Variants in GCDH observed in about 807,000 individuals in gnomAD.
The protein encoded by GCDH is glutaryl-CoA dehydrogenase, mitochondrial.
A neutral mutation model predicts 52.8 loss-of-function variants in GCDH; 31 were observed. The observed-to-expected ratio is 0.59, with a 90% CI of 0.44 to 0.79. The LOEUF (loss-of-function observed/expected upper bound fraction) is 0.79. GCDH is among the 30% of genes least tolerant of loss of function. GCDH has a pLI of 0.00. For synonymous variants in GCDH, 242 were observed against 250.0 expected, an observed-to-expected ratio of 0.97 and a Z score of 0.30; for missense variants, 509 against 595.0, an observed-to-expected ratio of 0.86 and a Z score of 1.50.
rs201970551 is a variant in GCDH at position 12,891,834 on chromosome 19, C to T, written c.131C>T (p.Ser44Leu). 4.3e-6 allele frequency: 7 copies of T among 1,613,968 alleles called. No homozygotes were observed. The highest frequency in any genetic ancestry group is 1.3e-5 in the African/African-American group (1 of 75,052). ...GRTQSQLAKS[S>L]RPEFDWQDPL... ...CGAGGCGAATTCCCCTTCCCAGCCT[C>T]GCGTCCCGAGTTTGACTGGCAGGAC... The change falls in exon 4 of 12, where the codon TCG becomes TTG. Residue 44 changes from serine (S) to leucine (L), a missense_variant. Transcript: ENST00000222214.
chr19:12,891,570 T>G lies in GCDH; in HGVS notation c.127+48T>G, dbSNP rs3745647. 1.9e-6 allele frequency: 3 copies of G among 1,613,966 alleles called. No individual in the cohort carries two copies. In the South Asian group the frequency reaches 3.3e-5, roughly 18 times the overall value. On this transcript the variant is annotated intron_variant, in intron 3 of 11. Coordinates refer to ENST00000222214, the MANE Select transcript of GCDH (RefSeq NM_000159.4). The stretch of plus-strand genomic sequence containing the variant: ...TGTGTCTGCTGCCCCTGTTCAGCTG[T>G]CTGTCTGCCGCAGGTGGACTCTGTC...
intron 9 of GCDH, 119 bp from the exon 10 acceptor site, chr19:12,897,184 G>A: frequency 7.3e-7 from 1 of 1,372,340 alleles, no homozygotes; most frequent in Middle Eastern, 1.9e-4. Flanking sequence ...GCAGGGCCAG[G>A]GCAAGCTTGG....
chr19:12,899,275 C>T (rs1970773721), intron 11 of GCDH, 193 bp from the exon 12 acceptor site: 1 of 1,402,330 alleles, frequency 7.1e-7, no homozygotes, highest in Admixed American at 1.7e-5. Context: ...CTCAGTGTGG[C>T]CCAAATGGTG....
At chr19:12,894,407 G>C (rs1970627027) in intron 6 of GCDH, 1 of 752,734 alleles carries the variant, frequency 1.3e-6, no homozygotes, top group Admixed American at 1.8e-5. Context: ...ACTGGAGAAA[G>C]AAAGAGAAGA....
chr19:12,891,687 G>A (rs1167195888), intron 3 of GCDH, 144 bp from the exon 4 acceptor site: 12 of 1,603,636 alleles, frequency 7.5e-6, no homozygotes, highest in Non-Finnish European at 9.3e-6. Context: ...TGCGGGGCCG[G>A]AGAAAAGTCA....
intron 5 of GCDH, among the ~76,000 whole-genome samples, chr19:12,892,952 C>T (rs1176916269): frequency 6.7e-6 from 1 of 149,920 alleles, no homozygotes; most frequent in Admixed American, 6.7e-5. Flanking sequence ...GTGGTGCGAT[C>T]CTGGCTCACT....
chr19:12,899,633 G>C lies in GCDH; in HGVS notation c.*92G>C. The C allele has an allele frequency of 6.2e-7, 1 of 1,612,734 alleles. No homozygotes were observed. Among genetic ancestry groups the C allele is most frequent in the Non-Finnish European group, 8.5e-7 (1 of 1,179,214 alleles). On this transcript the variant is annotated 3_prime_UTR_variant, in exon 12 of 12. Coordinates refer to ENST00000222214, the MANE Select transcript of GCDH (RefSeq NM_000159.4). ...AGCGCTGTGCTCTGAGCTTAGAAAG[G>C]GAGGTGGCGGATGGAGTGGGAAGTG... is the stretch of plus-strand genomic sequence containing the variant.
At chr19:12,894,149 C>G in intron 6 of GCDH, 5 of 1,549,114 alleles carry the variant, frequency 3.2e-6, no homozygotes, top group Non-Finnish European at 4.4e-6. Context: ...CTGAACATCT[C>G]CTTCCCAGCC....
At chr19:12,894,912 G>A (rs1472018361) in intron 6 of GCDH, 7 of 190,854 alleles carry the variant, frequency 3.7e-5, no homozygotes, top group Non-Finnish European at 6.7e-5. Context: ...GATCAGATTC[G>A]CAAAAAAAAA....
chr19:12,899,902 G>T lies in GCDH; in HGVS notation c.*361G>T, dbSNP rs1332114910. 1.2e-6 allele frequency: 2 copies of T among 1,604,654 alleles called. No individual in the cohort carries two copies. ...GTGCGCCCTCCCTCCCTCCCATCTG[G>T]GGGTAGTGCCTTATGCTGGGTGTTG... On this transcript the variant is annotated 3_prime_UTR_variant, in exon 12 of 12. Transcript: ENST00000222214.
chr19:12,896,251 T>C lies in GCDH; in HGVS notation c.682T>C (p.Cys228Arg). 1 of 1,609,132 alleles carries C rather than the reference T, an allele frequency of 6.2e-7. No individual in the cohort carries two copies. The highest frequency in any genetic ancestry group is 8.5e-7 in the Non-Finnish European group (1 of 1,178,014). ...CGATCTGTTTGTAGTGTGGGCTCGG[T>C]GTGAAGATGGCTGCATTCGGGGCTT... ...MADLFVVWAR[C>R]EDGCIRGFLL... The change falls in exon 8 of 12, where the codon TGT (cysteine) becomes CGT (arginine). Residue 228 changes from cysteine (C) to arginine (R), a missense_variant. Transcript: ENST00000222214. This position sits in a 1 kb window ranked among gnomAD's most constrained non-coding sequence, Gnocchi z 5.5.
rs1221497160 is a variant in GCDH, at chr19:12,891,902, A to G, written c.199A>G (p.Ile67Val). ...EEQLTTDEIL[I>V]RDTFRTYCQE... ...GCAGCTGACCACAGATGAGATCCTCATCAGGGACACCTTCCGCACCTACTG... is the reference window on the plus strand; with the variant it reads ...GCAGCTGACCACAGATGAGATCCTCGTCAGGGACACCTTCCGCACCTACTG... The change falls in exon 4 of 12, where the codon ATC (isoleucine) becomes GTC (valine). Residue 67 changes from isoleucine (I) to valine (V), a missense_variant. Coordinates refer to ENST00000222214, the MANE Select transcript of GCDH (RefSeq NM_000159.4). 1 of 1,614,086 alleles carries G rather than the reference A, an allele frequency of 6.2e-7. No homozygotes were observed. Among genetic ancestry groups the G allele is most frequent in the East Asian group, 2.2e-5 (1 of 44,894 alleles).
At chr19:12,899,200 A>G (rs1163695020) in intron 11 of GCDH, 1 of 758,520 alleles carries the variant, frequency 1.3e-6, no homozygotes, top group Non-Finnish European at 2.2e-6. Context: ...GGAGTTCAGC[A>G]CAAGGAGCTT....
rs1167224456 is a variant in GCDH, at chr19:12,892,036, T to TCAAG, written c.271+63_271+66dup. ...CGCCTGGAGCCATAGCCACCCCACC[T>TCAAG]CAAGGCCCCTCTGTCCTTGGGGCTG... On this transcript the variant is annotated intron_variant, in intron 4 of 11. Transcript: ENST00000222214. 3 of 1,612,562 alleles carry TCAAG rather than the reference T, an allele frequency of 1.9e-6. No homozygotes were observed. In the East Asian group the frequency reaches 6.7e-5, roughly 36 times the overall value.
intron 11 of GCDH, 147 bp from the exon 12 acceptor site, chr19:12,899,321 C>T (rs776172011): frequency 1.4e-5 from 22 of 1,605,600 alleles, no homozygotes; most frequent in East Asian, 4.5e-5. Context: ...GTCACTAAGG[C>T]GTGAGTCTCC....
intron 3 of GCDH, 146 bp from the exon 4 acceptor site, chr19:12,891,685 C>G: frequency 6.2e-7 from 1 of 1,603,166 alleles, no homozygotes; most frequent in Non-Finnish European, 8.5e-7. Context: ...CCTGCGGGGC[C>G]GGAGAAAAGT....
intron 6 of GCDH, 40 bp downstream of exon 6, chr19:12,893,693 TC>T: frequency 6.4e-7 from 1 of 1,566,516 alleles, no homozygotes. Flanking sequence ...AGGAAGACAG[TC>T]TCTGAGGTCT....
chr19:12,897,832 C>T lies in GCDH; in HGVS notation c.1212C>T (p.Ala404=). The change falls in exon 11 of 12, where the codon GCC becomes GCT. Residue 404 remains alanine, a synonymous_variant. Transcript: ENST00000222214. The part of the protein sequence containing the change: ...ISDEYHVIRH[A]MNLEAVNTYE... The stretch of plus-strand genomic sequence containing the variant: ...ACGAGTATCACGTGATCCGGCACGC[C>T]ATGAACCTGGAGGCCGTGAACACCT... 6.2e-7 allele frequency: 1 copy of T among 1,613,952 alleles called. No individual in the cohort carries two copies.
At position 12,891,854 on chromosome 19, in the gene GCDH, C is replaced by G. The variant is rs1970564210; in HGVS notation, c.151C>G (p.Gln51Glu). Residue 51 changes from glutamine to glutamate, a missense_variant, in exon 4 of 12, where the codon CAG (glutamine) becomes GAG (glutamate). Transcript: ENST00000222214. ...AKSSRPEFDW[Q>E]DPLVLEEQLT... ...AGCCTCGCGTCCCGAGTTTGACTGGCAGGACCCGCTGGTGCTGGAGGAGCA... is the reference window on the plus strand; with the variant it reads ...AGCCTCGCGTCCCGAGTTTGACTGGGAGGACCCGCTGGTGCTGGAGGAGCA... 1.2e-6 allele frequency: 2 copies of G among 1,613,810 alleles called. No individual in the cohort carries two copies. Among genetic ancestry groups the G allele is most frequent in the African/African-American group, 1.3e-5 (1 of 74,940 alleles).
Sources: gnomAD v4.1 joint callset for allele counts (sites outside exome capture counted in the v4.1 genomes callset) on GRCh38, gnomAD v4.1.1 for gene constraint, Gnocchi (gnomAD v3.1) non-coding constraint, MANE v1.5 for transcripts, NCBI Gene and HGNC (gene_info 2026-07-23, HGNC 2026-07-21) for gene names.